Variants in GFRA1 observed in about 807,000 individuals in gnomAD.
The protein encoded by GFRA1 is GDNF family receptor alpha 1, also known as GDNF family receptor alpha-1.
Under a neutral mutation model 51.6 loss-of-function variants are expected in GFRA1, and 16 were observed. That is an observed-to-expected ratio of 0.31 (90% CI 0.21 to 0.47). GFRA1 has a LOEUF of 0.47. GFRA1 is among the 20% of genes least tolerant of loss of function. The probability of loss-of-function intolerance (pLI) is 1.00; values close to 1 mark genes in which losing one functional copy is unlikely to be tolerated. For missense variants in GFRA1, 530 were observed against 594.3 expected (o/e 0.89, Z 1.13); for synonymous variants, 270 against 241.3 (o/e 1.12, Z -1.10).
intron 5 of GFRA1, among the ~76,000 whole-genome samples, chr10:116,194,149 G>T (rs778584360): frequency 6.6e-6 from 1 of 151,180 alleles, no homozygotes; most frequent in Non-Finnish European, 1.5e-5. Flanking sequence ...ATACTTTGCA[G>T]TCTCTTGACC....
At chr10:116,113,918 C>A (rs1957309388) in intron 6 of GFRA1, among the ~76,000 whole-genome samples, 1 of 152,134 alleles carries the variant, frequency 6.6e-6, no homozygotes, top group South Asian at 2.1e-4. Flanking sequence ...CATCATCACC[C>A]GCACCACCGT....
chr10:116,267,051 G>A (rs1969713024), intron 4 of GFRA1, among the ~76,000 whole-genome samples: 1 of 152,162 alleles, frequency 6.6e-6, no homozygotes, highest in Non-Finnish European at 1.5e-5. Context: ...TAAGATAGGA[G>A]GATCGCTTGA....
chr10:116,124,971 C>T (rs1009680069), intron 6 of GFRA1, among the ~76,000 whole-genome samples: 1 of 152,188 alleles, frequency 6.6e-6, no homozygotes, highest in African/African-American at 2.4e-5. Context: ...TATTTTACCT[C>T]ATTCCAGCAT....
intron 4 of GFRA1, among the ~76,000 whole-genome samples, chr10:116,226,092 T>C (rs1182846462): frequency 4.6e-5 from 7 of 152,088 alleles, no homozygotes; most frequent in Non-Finnish European, 1.5e-5. Flanking sequence ...ATCCCCAAGG[T>C]TTTGGAGGGG....
At chr10:116,263,842 A>G (rs924741593) in intron 4 of GFRA1, among the ~76,000 whole-genome samples, 1 of 152,212 alleles carries the variant, frequency 6.6e-6, no homozygotes, top group Non-Finnish European at 1.5e-5. Flanking sequence ...AAAAGACAGC[A>G]GGTAATTTCA....
chr10:116,131,455 GAAT>G (rs1958098923), intron 5 of GFRA1, among the ~76,000 whole-genome samples: 2 of 152,116 alleles, frequency 1.3e-5, no homozygotes, highest in Admixed American at 1.3e-4. Flanking sequence ...ACTTGAACAA[GAAT>G]ATTATACCAG....
chr10:116,118,444 C>T lies in GFRA1; in HGVS notation c.770+6777G>A, dbSNP rs148931917. Among the ~76,000 whole-genome samples the T allele has an allele frequency of 7.8e-3, 1,186 of 152,268 alleles. 8 individuals carry two copies. Among genetic ancestry groups the T allele is most frequent in the Non-Finnish European group, 0.012 (783 of 68,022 alleles). ...ATGGCACCGAGTTTTCTTCCTCTGA[C>T]GCCATGACAGTCCCCAAGGCCCCTT... On this transcript the variant is annotated intron_variant, in intron 6 of 10. Transcript: ENST00000355422.
chr10:116,270,205 G>T (rs959378126), intron 3 of GFRA1, among the ~76,000 whole-genome samples: 2 of 152,172 alleles, frequency 1.3e-5, no homozygotes, highest in African/African-American at 4.8e-5. Context: ...GGATGGTTGT[G>T]ACCAGTGGAT....
intron 10 of GFRA1, among the ~76,000 whole-genome samples, chr10:116,064,755 G>A (rs557960346): frequency 3.3e-5 from 5 of 152,224 alleles, no homozygotes; most frequent in South Asian, 4.2e-4. Context: ...TTGATAAAGC[G>A]TCTGGCCAAT....
At chr10:116,251,963 C>CTTTTTTTTTTTTTT (rs3032041) in intron 4 of GFRA1, among the ~76,000 whole-genome samples, 2 of 79,820 alleles carry the variant, frequency 2.5e-5, no homozygotes, top group Non-Finnish European at 4.6e-5. Flanking sequence ...CAATAGGCCT[C>CTTTTTTTTTTTTTT]TTTTTTTTTT....
At chr10:116,201,533 C>T (rs1964331599) in intron 5 of GFRA1, among the ~76,000 whole-genome samples, 1 of 152,104 alleles carries the variant, frequency 6.6e-6, no homozygotes, top group Non-Finnish European at 1.5e-5. Context: ...CCCGGAGTTG[C>T]CCTTATCCTG....
chr10:116,077,908 T>C (rs1955686751), intron 9 of GFRA1, among the ~76,000 whole-genome samples: 1 of 152,192 alleles, frequency 6.6e-6, no homozygotes, highest in Non-Finnish European at 1.5e-5. Context: ...CGACACTTAG[T>C]AGGGCCCCGG....
rs1378840222 is a variant in GFRA1 at position 116,272,734 on chromosome 10, C to T, written c.-247+429G>A. 1 of 152,468 alleles carries T rather than the reference C, an allele frequency of 6.6e-6. No homozygotes were observed. The highest frequency in any genetic ancestry group is 2.4e-5 in the African/African-American group (1 of 41,430). 9.4% of individuals were successfully genotyped at this position (152,468 alleles called of 1,614,324 possible). A position where few individuals can be genotyped will look rare whatever the true frequency, so the allele number is the denominator to read the frequency against. On this transcript the variant is annotated intron_variant, in intron 1 of 10. Coordinates refer to ENST00000355422, the MANE Select transcript of GFRA1 (RefSeq NM_005264.8). The surrounding 1 kb of genome is among the most constrained non-coding windows in gnomAD (Gnocchi z 4.4). ...GCTCAGCCGCCGGCCCTCCCCACTC[C>T]GATCGCCAATCCCTAGCCCCAGTCG... is the stretch of plus-strand genomic sequence containing the variant.
At chr10:116,158,084 T>C (rs542795145) in intron 5 of GFRA1, among the ~76,000 whole-genome samples, 20 of 152,290 alleles carry the variant, frequency 1.3e-4, no homozygotes, top group African/African-American at 4.8e-4. Context: ...TCATTCCTAC[T>C]TCCTCAGGAA....
intron 4 of GFRA1, among the ~76,000 whole-genome samples, chr10:116,252,695 T>A (rs1411051240): frequency 6.6e-6 from 1 of 152,180 alleles, no homozygotes; most frequent in African/African-American, 2.4e-5. Flanking sequence ...TGCAGTGCAA[T>A]GTCTCGAGGC....
chr10:116,162,544 C>A (rs377052832), intron 5 of GFRA1, among the ~76,000 whole-genome samples: 2 of 152,174 alleles, frequency 1.3e-5, no homozygotes, highest in Admixed American at 6.5e-5. Context: ...GGTTGGTCTG[C>A]GGAGGCTCTG....
At chr10:116,080,786 G>C (rs1433827333) in intron 9 of GFRA1, among the ~76,000 whole-genome samples, 1 of 152,170 alleles carries the variant, frequency 6.6e-6, no homozygotes, top group Admixed American at 6.5e-5. Context: ...AGCCACAGTA[G>C]GTCAGCCTGA....
intron 4 of GFRA1, 145 bp downstream of exon 4, chr10:116,269,358 T>C: frequency 1.4e-6 from 1 of 704,200 alleles, no homozygotes; most frequent in East Asian, 2.7e-5. Flanking sequence ...TTATGCCTCT[T>C]CATTATCATC....
chr10:116,205,793 G>C (rs1964703056), intron 5 of GFRA1, among the ~76,000 whole-genome samples: 3 of 151,806 alleles, frequency 2.0e-5, no homozygotes, highest in Non-Finnish European at 2.9e-5. Flanking sequence ...GGCACACAAT[G>C]AATCTGTGAC....
Sources: allele counts gnomAD v4.1 joint callset (sites outside exome capture counted in the v4.1 genomes callset), GRCh38; gene constraint gnomAD v4.1.1; non-coding constraint Gnocchi (gnomAD v3.1); transcripts MANE v1.5; gene names NCBI Gene and HGNC (gene_info 2026-07-23, HGNC 2026-07-21).